The following IGF2R variants were observed in gnomAD, a reference collection of about 807,000 sequenced individuals.
IGF2R encodes the protein insulin like growth factor 2 receptor.
Under a neutral mutation model 270.6 loss-of-function variants are expected in IGF2R, and 91 were observed. The observed-to-expected ratio is 0.34, with a 90% CI of 0.28 to 0.40. The LOEUF (loss-of-function observed/expected upper bound fraction) is 0.40. Ranked by LOEUF, IGF2R falls within the 10% of genes least tolerant of loss-of-function variation. The pLI is 1.00. For missense variants in IGF2R, 2,805 were observed against 3,188.3 expected (o/e 0.88, Z 2.90); for synonymous variants, 1,316 against 1,258.9 (o/e 1.05, Z -0.96).
Position 160,073,214 on chromosome 6 carries a change from G to C in IGF2R, c.4692G>C (p.Gly1564=). 6.2e-7 allele frequency: 1 copy of C among 1,613,574 alleles called. No homozygotes were observed. The highest frequency in any genetic ancestry group is 1.3e-5 in the African/African-American group (1 of 75,024). Residue 1564 remains glycine (G), a splice_region_variant and synonymous_variant, in exon 34 of 48, where the codon GGG becomes GGC. Transcript: ENST00000356956. The stretch of plus-strand genomic sequence containing the variant: ...CTCCGCCTTTCCCTTGTGGTGCAGG[G>C]GCCTGCTTTGGACAGACCAGGATTA... The part of the protein sequence containing the change: ...GENENCPPGV[G]ACFGQTRISV...
At chr6:160,065,814 G>GTGTGTGTGTGTGTATA in intron 29 of IGF2R, among the ~76,000 whole-genome samples, 1 of 78,390 alleles carries the variant, frequency 1.3e-5, no homozygotes, top group African/African-American at 5.6e-5. Flanking sequence ...GTGTGTGTGT[G>GTGTGTGTGTGTGTATA]TATATATATA....
In IGF2R at chr6:160,027,217, G is replaced by C. The variant is rs1206290347; in HGVS notation, c.679G>C (p.Ala227Pro). 19 of 1,614,116 alleles carry C rather than the reference G, an allele frequency of 1.2e-5. No homozygotes were observed. Among genetic ancestry groups the C allele is most frequent in the Non-Finnish European group, 1.6e-5 (19 of 1,180,042 alleles). ...TLRDPGSQLR[A>P]CPPGTAACLV... is the part of the protein sequence containing the mutation. ...ACGAGACCCAGGTTCACAGCTGCGG[G>C]CCTGTCCCCCCGGCACTGCCGCCTG... The change falls in exon 6 of 48, where the codon GCC (alanine) becomes CCC (proline). Residue 227 changes from alanine (A) to proline (P), a missense_variant. Coordinates refer to ENST00000356956, the MANE Select transcript of IGF2R (RefSeq NM_000876.4).
intron 39 of IGF2R, 65 bp downstream of exon 39, chr6:160,080,340 C>T (rs1778951493): frequency 6.7e-7 from 1 of 1,484,862 alleles, no homozygotes. Flanking sequence ...GCTCGATTCA[C>T]ACTGAGACCT....
At chr6:160,073,011 C>A (rs1778776941) in intron 33 of IGF2R, 127 bp downstream of exon 33, 23 of 1,405,370 alleles carry the variant, frequency 1.6e-5, no homozygotes, top group Middle Eastern at 2.6e-4. Context: ...TTGTCTCCTG[C>A]AGCAGTCACC....
rs1330130287 is a variant in IGF2R, at chr6:160,025,836, T to TA, written c.646+1133dup. ...TGTAGATTATTGAATTCTGGAATAA[T>TA]ACGCTATTTTGATTTGGAAAACATT... On this transcript the variant is annotated intron_variant, in intron 5 of 47. Transcript: ENST00000356956. Among the ~76,000 whole-genome samples, 8 of 152,226 alleles carry TA rather than the reference T, an allele frequency of 5.3e-5. 1 individual carries two copies. The highest frequency in any genetic ancestry group is 1.0e-4 in the Non-Finnish European group (7 of 68,034).
intron 10 of IGF2R, among the ~76,000 whole-genome samples, chr6:160,037,670 G>C (rs573458699): frequency 1.6e-3 from 241 of 152,260 alleles, no homozygotes; most frequent in African/African-American, 5.7e-3. Context: ...AAAGATGTTA[G>C]ATAATTTTTT....
chr6:160,089,701 A>G (rs972597037), intron 43 of IGF2R, among the ~76,000 whole-genome samples: 1 of 152,242 alleles, frequency 6.6e-6, no homozygotes, highest in Admixed American at 6.5e-5. Context: ...CTCAGAGGCC[A>G]GAACTGGTTG....
In IGF2R at chr6:160,104,339, C is replaced by A. The variant is rs191792171; in HGVS notation, c.7066-335C>A. ...TAGCCCGGAAGAGCCCCTTCTCCCC[C>A]AGCTGCGCTGGGGGATCACTGGTCT... On this transcript the variant is annotated intron_variant, in intron 47 of 47. Transcript: ENST00000356956. Among the ~76,000 whole-genome samples, 7 of 152,148 alleles carry A rather than the reference C, an allele frequency of 4.6e-5. No individual in the cohort carries two copies. The East Asian group carries it at 1.2e-3, about 25-fold the overall frequency.
intron 19 of IGF2R, among the ~76,000 whole-genome samples, chr6:160,053,855 G>T (rs989848707): frequency 1.3e-5 from 2 of 152,138 alleles, no homozygotes; most frequent in Admixed American, 1.3e-4. Context: ...GGAACTACAG[G>T]TGGAGTTACC....
chr6:160,046,016 A>G, intron 14 of IGF2R, 134 bp downstream of exon 14: 1 of 692,022 alleles, frequency 1.4e-6, no homozygotes, highest in Non-Finnish European at 2.3e-6. Flanking sequence ...AAAATTCTGA[A>G]CATCCGATGT....
chr6:160,073,378 G>A lies in IGF2R; in HGVS notation c.4856G>A (p.Arg1619Lys). 6.2e-7 allele frequency: 1 copy of A among 1,614,248 alleles called. No individual in the cohort carries two copies. Among genetic ancestry groups the A allele is most frequent in the Non-Finnish European group, 8.5e-7 (1 of 1,180,044 alleles). Residue 1619 changes from arginine to lysine, a missense_variant, in exon 34 of 48, where the codon AGG (arginine) becomes AAG (lysine). By Grantham distance (26) the Arg-to-Lys change is conservative. Around this residue, in one of 2 missense-constraint regions of IGF2R, gnomAD observed 1,851 missense variants for 2,207.2 expected, o/e 0.84. Coordinates refer to ENST00000356956, the MANE Select transcript of IGF2R (RefSeq NM_000876.4). Reference protein sequence around the residue: ...VISFVCRPEARPTNRPMLISL... With the variant: ...VISFVCRPEAKPTNRPMLISL... ...AGTTTCGTGTGCAGGCCTGAGGCCA[G>A]GCCAACCAATAGGCCCATGCTCATC...
At position 160,093,444 on chromosome 6, in the gene IGF2R, C is replaced by T. The variant is rs558591762; in HGVS notation, c.6656-2995C>T. ...GATGGGGTCTCAGGCCTCCACCTTA[C>T]TGCACGATGAAGAGTTTGAGGAGAT... On this transcript the variant is annotated intron_variant, in intron 44 of 47. Transcript: ENST00000356956. 4 of 399,434 alleles carry T rather than the reference C, an allele frequency of 1.0e-5. No individual in the cohort carries two copies. The East Asian group carries it at 2.0e-4, about 20-fold the overall frequency. 24.7% of individuals were successfully genotyped at this position (399,434 alleles called of 1,614,324 possible). A position where few individuals can be genotyped will look rare whatever the true frequency, so the allele number is the denominator to read the frequency against.
intron 1 of IGF2R, among the ~76,000 whole-genome samples, chr6:159,980,208 A>G (rs9355770): frequency 0.05 from 4,303 of 86,206 alleles, 211 homozygotes; most frequent in Middle Eastern, 0.077. Context: ...AGAAAGAAAG[A>G]AAGAAAGAAA....
rs1778166677 is a variant in IGF2R, at chr6:160,050,376, C to G, written c.2515-97C>G. The G allele has an allele frequency of 8.2e-7, 1 of 1,213,432 alleles. No individual in the cohort carries two copies. The highest frequency in any genetic ancestry group is 1.5e-5 in the African/African-American group (1 of 66,026). The allele number at this position is 1,213,432 out of a possible 1,614,324, so 75.2% of individuals were successfully genotyped here. On this transcript the variant is annotated intron_variant, in intron 18 of 47. Coordinates refer to ENST00000356956, the MANE Select transcript of IGF2R (RefSeq NM_000876.4). This position sits in a 1 kb window ranked among gnomAD's most constrained non-coding sequence, Gnocchi z 4.0. ...AGCAGTGGTTCTGTATTCAATAATT[C>G]ATTGTTTGCTGCAGCTTTATAGAAT... is the stretch of plus-strand genomic sequence containing the variant.
rs569522112 is a variant in IGF2R, at chr6:160,032,541, T to C, written c.883-10T>C. The C allele has an allele frequency of 1.3e-4, 210 of 1,612,644 alleles. 2 individuals carry two copies. In the South Asian group the frequency reaches 2.2e-3, roughly 17 times the overall value. On this transcript the variant is annotated splice_polypyrimidine_tract_variant and intron_variant, in intron 7 of 47. Coordinates refer to ENST00000356956, the MANE Select transcript of IGF2R (RefSeq NM_000876.4). ...TTTTTATTTTGCTTCTTTCACATTG[T>C]TCCTGATAGGGCACCATTCCCAAAC...
intron 5 of IGF2R, 134 bp downstream of exon 5, chr6:160,024,838 C>A: frequency 1.0e-6 from 1 of 1,004,970 alleles, no homozygotes; most frequent in Admixed American, 2.5e-5. Context: ...AGCTTTTGTC[C>A]CCAAAAATGT....
Position 160,087,580 on chromosome 6 carries a change from G to A in IGF2R, c.6206-453G>A, listed in dbSNP as rs1779121743. Among the ~76,000 whole-genome samples the A allele has an allele frequency of 2.0e-5, 3 of 152,222 alleles. No homozygotes were observed. The South Asian group carries it at 6.2e-4, about 32-fold the overall frequency. On this transcript the variant is annotated intron_variant, in intron 41 of 47. Transcript: ENST00000356956. ...CCTGAGTGTGGGAATGCAAGAACAGGTCGATAAACCTTTAGGGAGCCCAAA... is the reference window on the plus strand; with the variant it reads ...CCTGAGTGTGGGAATGCAAGAACAGATCGATAAACCTTTAGGGAGCCCAAA...
chr6:160,095,141 C>T (rs1023124576), intron 44 of IGF2R: 2 of 152,180 alleles, frequency 1.3e-5, no homozygotes, highest in African/African-American at 4.8e-5. Context: ...TATGGGGCGT[C>T]TCTTGTTAGT....
At chr6:160,045,705 G>A in intron 13 of IGF2R, 40 bp from the exon 14 acceptor site, 2 of 1,612,160 alleles carry the variant, frequency 1.2e-6, no homozygotes, top group African/African-American at 1.3e-5. Flanking sequence ...TTTTAGGAAT[G>A]AACGGATTAG....
Sources: gnomAD v4.1 joint callset for allele counts (sites outside exome capture counted in the v4.1 genomes callset) on GRCh38, gnomAD v4.1.1 for gene constraint, gnomAD v4.1.1 regional missense constraint, Gnocchi (gnomAD v3.1) non-coding constraint, MANE v1.5 for transcripts, NCBI Gene and HGNC (gene_info 2026-07-23, HGNC 2026-07-21) for gene names.